Variants in SGCZ observed in about 807,000 individuals in gnomAD.
The protein encoded by SGCZ is zeta-sarcoglycan.
SGCZ carries 40 observed loss-of-function variants against 41.3 expected under a neutral mutation model. The ratio of observed to expected loss-of-function variants is 0.97; its 90% CI spans 0.75 to 1.26. The LOEUF (loss-of-function observed/expected upper bound fraction) is 1.26. Among genes scored for constraint, SGCZ ranks in the 50% most tolerant of loss-of-function variants. The probability of loss-of-function intolerance (pLI) is 0.00; values close to 1 mark genes in which losing one functional copy is unlikely to be tolerated. For synonymous variants in SGCZ, 206 were observed against 137.5 expected (o/e 1.50, Z -3.49); for missense variants, 552 against 369.8 (o/e 1.49, Z -4.04).
chr8:14,122,101 C>T (rs1802714087), intron 5 of SGCZ, among the ~76,000 whole-genome samples: 1 of 152,140 alleles, frequency 6.6e-6, no homozygotes, highest in Non-Finnish European at 1.5e-5. Flanking sequence ...CATGGTGAAA[C>T]CCGGTCTCTA....
intron 4 of SGCZ, among the ~76,000 whole-genome samples, chr8:14,177,940 C>CTTCTTTTCTTTTTT (rs1554472782): frequency 4.4e-5 from 4 of 91,522 alleles, no homozygotes; most frequent in Non-Finnish European, 8.0e-5. Context: ...TTCTTTTTTC[C>CTTCTTTTCTTTTTT]TTCTTTTCTT....
At chr8:14,894,707 T>C (rs1585356934) in intron 1 of SGCZ, among the ~76,000 whole-genome samples, 1 of 152,198 alleles carries the variant, frequency 6.6e-6, no homozygotes, top group Admixed American at 6.5e-5. Flanking sequence ...AAAAGCTTTG[T>C]TGTCTTTAGA....
chr8:14,962,312 C>A (rs1361709969), intron 1 of SGCZ, among the ~76,000 whole-genome samples: 1 of 151,620 alleles, frequency 6.6e-6, no homozygotes, highest in African/African-American at 2.4e-5. Flanking sequence ...AGACATATTG[C>A]CTCAAATGTT....
At chr8:14,396,781 C>T (rs528933740) in intron 2 of SGCZ, among the ~76,000 whole-genome samples, 44 of 151,960 alleles carry the variant, frequency 2.9e-4, no homozygotes, top group African/African-American at 1.0e-3. Context: ...TTTCAGTTGA[C>T]GCTAGTCATG....
At chr8:14,779,503 AG>A (rs1182000338) in intron 1 of SGCZ, among the ~76,000 whole-genome samples, 7 of 152,208 alleles carry the variant, frequency 4.6e-5, no homozygotes, top group Non-Finnish European at 8.8e-5. Context: ...TTGCTTACTG[AG>A]TTGCTTCCAA....
intron 2 of SGCZ, among the ~76,000 whole-genome samples, chr8:14,400,392 G>C (rs888397165): frequency 6.6e-6 from 1 of 151,968 alleles, no homozygotes; most frequent in Non-Finnish European, 1.5e-5. Flanking sequence ...CCACTTTGTA[G>C]CTATTCACAA....
intron 3 of SGCZ, among the ~76,000 whole-genome samples, chr8:14,253,709 A>C (rs1354006331): frequency 6.6e-6 from 1 of 152,258 alleles, no homozygotes; most frequent in Middle Eastern, 3.4e-3. Context: ...TCTTATTTAT[A>C]TATGTAACAT....
At chr8:14,924,647 T>C (rs955949619) in intron 1 of SGCZ, among the ~76,000 whole-genome samples, 4 of 152,150 alleles carry the variant, frequency 2.6e-5, no homozygotes, top group Non-Finnish European at 5.9e-5. Flanking sequence ...GTTAGTGACA[T>C]TTATTTAGCA....
intron 1 of SGCZ, among the ~76,000 whole-genome samples, chr8:14,651,270 G>A (rs1328700925): frequency 6.6e-6 from 1 of 151,968 alleles, no homozygotes; most frequent in Non-Finnish European, 1.5e-5. Flanking sequence ...CTGCATTTAT[G>A]AAACATTAAG....
intron 2 of SGCZ, among the ~76,000 whole-genome samples, chr8:14,443,318 T>C (rs892096503): frequency 8.6e-5 from 13 of 152,042 alleles, no homozygotes; most frequent in Non-Finnish European, 2.9e-5. Context: ...GACTTTAAAG[T>C]TCATATGGAA....
intron 1 of SGCZ, among the ~76,000 whole-genome samples, chr8:14,570,680 T>G (rs904590248): frequency 1.3e-5 from 2 of 152,194 alleles, no homozygotes; most frequent in African/African-American, 2.4e-5. Context: ...AACAAAGTAC[T>G]GAAAAATGCA....
At chr8:14,592,949 T>C (rs575978500) in intron 1 of SGCZ, among the ~76,000 whole-genome samples, 34 of 152,188 alleles carry the variant, frequency 2.2e-4, no homozygotes, top group Non-Finnish European at 4.9e-4. Flanking sequence ...GACATCAGTT[T>C]CTCTACTGTG....
intron 1 of SGCZ, among the ~76,000 whole-genome samples, chr8:15,208,870 T>G (rs1801152513): frequency 7.3e-6 from 1 of 137,904 alleles, no homozygotes; most frequent in Non-Finnish European, 1.6e-5. Flanking sequence ...ATATCCTAAA[T>G]ATATATATAC....
chr8:14,654,165 T>C (rs1054651659), intron 1 of SGCZ, among the ~76,000 whole-genome samples: 1 of 151,522 alleles, frequency 6.6e-6, no homozygotes, highest in Non-Finnish European at 1.5e-5. Context: ...CTAAAATCCA[T>C]AGCATTTATT....
In SGCZ at chr8:14,571,567, AT is replaced by A. The variant is rs952227487; in HGVS notation, c.40-16642del. Among the ~76,000 whole-genome samples, 556 of 151,748 alleles carry A rather than the reference AT, an allele frequency of 3.7e-3. 3 individuals carry two copies. Among genetic ancestry groups the A allele is most frequent in the African/African-American group, 0.012 (516 of 41,384 alleles). ...GATTTTAGATACTCTCAATGTATAAATTTTTTTTTCTGACTGCATTTTACAA... is the reference window on the plus strand; with the variant it reads ...GATTTTAGATACTCTCAATGTATAAATTTTTTTTCTGACTGCATTTTACAA... On this transcript the variant is annotated intron_variant, in intron 1 of 7. Transcript: ENST00000382080.
intron 2 of SGCZ, among the ~76,000 whole-genome samples, chr8:14,324,567 C>A (rs1300122981): frequency 6.6e-6 from 1 of 152,060 alleles, no homozygotes; most frequent in African/African-American, 2.4e-5. Flanking sequence ...GCAGAGAAAT[C>A]TAGTAATATT....
chr8:14,117,624 G>A (rs1399494040), intron 5 of SGCZ, among the ~76,000 whole-genome samples: 1 of 151,814 alleles, frequency 6.6e-6, no homozygotes, highest in Non-Finnish European at 1.5e-5. Flanking sequence ...TGGAGTACCT[G>A]TGCAGAATGT....
chr8:14,440,081 A>G (rs1800203805), intron 2 of SGCZ, among the ~76,000 whole-genome samples: 6 of 152,140 alleles, frequency 3.9e-5, no homozygotes, highest in Admixed American at 3.9e-4. Context: ...TTTAGGTCCA[A>G]CTGTGTTCTT....
chr8:14,093,828 T>C (rs1345712485), intron 7 of SGCZ, among the ~76,000 whole-genome samples: 1 of 152,108 alleles, frequency 6.6e-6, no homozygotes, highest in Non-Finnish European at 1.5e-5. Flanking sequence ...ATAATGCTAA[T>C]CTTTCTTCTC....
Sources: gnomAD v4.1 joint callset for allele counts (sites outside exome capture counted in the v4.1 genomes callset) on GRCh38, gnomAD v4.1.1 for gene constraint, MANE v1.5 for transcripts, NCBI Gene and HGNC (gene_info 2026-07-23, HGNC 2026-07-21) for gene names.